Variants in ST7 observed in about 807,000 individuals in gnomAD.
ST7 encodes the protein suppressor of tumorigenicity 7 protein.
Under a neutral mutation model 78.7 loss-of-function variants are expected in ST7, and 28 were observed. The observed-to-expected ratio is 0.36, with a 90% CI of 0.26 to 0.49. The LOEUF (loss-of-function observed/expected upper bound fraction) is 0.49, where lower values mean the gene tolerates loss of function less well. Ranked by LOEUF, ST7 falls within the 20% of genes least tolerant of loss-of-function variation. The pLI is 0.99. For synonymous variants in ST7, 247 were observed against 249.6 expected (o/e 0.99, Z 0.10); for missense variants, 418 against 696.0 (o/e 0.60, Z 4.49).
chr7:117,141,734 G>A (rs1173212858), intron 9 of ST7, among the ~76,000 whole-genome samples: 2 of 151,788 alleles, frequency 1.3e-5, no homozygotes, highest in Admixed American at 6.6e-5. Flanking sequence ...GCAGTGGCAC[G>A]ACTTGGCTCA....
In ST7 at chr7:117,085,345, C is replaced by T. The variant is rs145148433; in HGVS notation, c.152-14417C>T. 4.2e-3 allele frequency among the ~76,000 whole-genome samples: 641 copies of T among 152,250 alleles called. 14 individuals carry two copies. The highest frequency in any genetic ancestry group is 0.031 in the Admixed American group (473 of 15,298). On this transcript the variant is annotated intron_variant, in intron 1 of 15. Coordinates refer to ENST00000323984, the MANE Select transcript of ST7 (RefSeq NM_001369598.1). ...GTATCTGGTTTTGCCTGTGATGAAG[C>T]TGAGAAATGTCTCATTTTAATGGTT... is the stretch of plus-strand genomic sequence containing the variant.
intron 1 of ST7, chr7:117,081,052 T>C (rs1372991071): frequency 6.6e-6 from 1 of 152,190 alleles, no homozygotes; most frequent in Non-Finnish European, 1.5e-5. Context: ...AATTTCTTTC[T>C]TGTTTTTAGC....
At chr7:117,046,987 G>T (rs1797525173) in intron 1 of ST7, among the ~76,000 whole-genome samples, 1 of 152,162 alleles carries the variant, frequency 6.6e-6, no homozygotes, top group Non-Finnish European at 1.5e-5. Context: ...TTGCCAGGAG[G>T]ATTTAATGAC....
intron 1 of ST7, chr7:116,954,987 C>A: frequency 5.5e-6 from 2 of 364,222 alleles, no homozygotes; most frequent in Non-Finnish European, 5.6e-6. Context: ...CCCTCGGGAT[C>A]GTGTCCCTGG....
At chr7:117,206,882 T>C (rs1791809620) in intron 12 of ST7, among the ~76,000 whole-genome samples, 1 of 152,198 alleles carries the variant, frequency 6.6e-6, no homozygotes, top group Admixed American at 6.5e-5. Context: ...TCCGTGATCA[T>C]GGAAATATTC....
intron 6 of ST7, 24 bp downstream of exon 6, chr7:117,131,984 T>C: frequency 6.2e-7 from 1 of 1,604,088 alleles, no homozygotes. Flanking sequence ...AATCTTGCTG[T>C]TAAAAAGGAA....
chr7:116,955,766 C>T (rs1247986458), intron 1 of ST7, among the ~76,000 whole-genome samples: 4 of 152,192 alleles, frequency 2.6e-5, no homozygotes, highest in Admixed American at 1.3e-4. Flanking sequence ...ATGTGTACTT[C>T]TTAAGGAAGG....
At chr7:117,127,790 TTAAA>T (rs1463576171) in intron 3 of ST7, among the ~76,000 whole-genome samples, 2 of 151,924 alleles carry the variant, frequency 1.3e-5, no homozygotes, top group Admixed American at 1.3e-4. Context: ...GTGACACTTC[TTAAA>T]TAAAGAGCAT....
Position 117,133,042 on chromosome 7 carries a change from A to G in ST7, c.641+1082A>G, listed in dbSNP as rs191589069. ...ATCTTAAATTTATAGTAAATCTATT[A>G]CAGTAAATTAAGCTAGCACAATCTG... On this transcript the variant is annotated intron_variant, in intron 6 of 15. Transcript: ENST00000323984. Among the ~76,000 whole-genome samples the G allele has an allele frequency of 2.6e-5, 4 of 152,064 alleles. No homozygotes were observed. In the Admixed American group the frequency reaches 2.6e-4, roughly 10 times the overall value.
At chr7:117,062,449 T>A (rs1396946335) in intron 1 of ST7, among the ~76,000 whole-genome samples, 1 of 152,178 alleles carries the variant, frequency 6.6e-6, no homozygotes, top group African/African-American at 2.4e-5. Flanking sequence ...TGATTAAAGG[T>A]GGTAGCTTAC....
intron 8 of ST7, among the ~76,000 whole-genome samples, chr7:117,138,075 T>C (rs925173929): frequency 6.6e-6 from 1 of 152,134 alleles, no homozygotes; most frequent in Non-Finnish European, 1.5e-5. Flanking sequence ...AAAAAAATAG[T>C]TCATCAGGAT....
intron 10 of ST7, among the ~76,000 whole-genome samples, chr7:117,176,720 A>C (rs756729334): frequency 3.3e-5 from 5 of 152,212 alleles, no homozygotes; most frequent in Admixed American, 2.0e-4. Context: ...TGGAGGTCCA[A>C]TGAGTAAAAT....
At chr7:117,196,364 G>A (rs569601783) in intron 12 of ST7, among the ~76,000 whole-genome samples, 4 of 132,946 alleles carry the variant, frequency 3.0e-5, no homozygotes, top group East Asian at 5.4e-4. Flanking sequence ...TTCCTTAGTG[G>A]CTGCACCATT....
chr7:116,957,218 A>C (rs1039672387), intron 1 of ST7: 3 of 153,438 alleles, frequency 2.0e-5, no homozygotes, highest in East Asian at 3.8e-4. Context: ...ATATAGTTCA[A>C]AGAATTCCAC....
chr7:117,004,367 A>C (rs1795070897), intron 1 of ST7, among the ~76,000 whole-genome samples: 1 of 152,220 alleles, frequency 6.6e-6, no homozygotes, highest in South Asian at 2.1e-4. Context: ...GAAAGCATGA[A>C]ATGTTCAACT....
intron 1 of ST7, among the ~76,000 whole-genome samples, chr7:117,003,133 T>G (rs1795015813): frequency 6.6e-6 from 1 of 151,478 alleles, no homozygotes; most frequent in African/African-American, 2.4e-5. Context: ...CTGAATTAGT[T>G]TTTTAGAATG....
intron 1 of ST7, among the ~76,000 whole-genome samples, chr7:116,977,565 T>A (rs76412331): frequency 8.5e-5 from 13 of 152,346 alleles, no homozygotes; most frequent in Admixed American, 4.6e-4. Context: ...TATATTTTTT[T>A]ATTTTGAGAC....
chr7:117,214,920 G>A (rs1357559935), intron 13 of ST7, among the ~76,000 whole-genome samples: 1 of 115,018 alleles, frequency 8.7e-6, no homozygotes, highest in Non-Finnish European at 1.5e-5. Flanking sequence ...TTGTGTGTGT[G>A]TGTGTGTGTG....
intron 1 of ST7, chr7:116,972,504 A>G (rs1793476918): frequency 2.0e-6 from 2 of 998,564 alleles, no homozygotes; most frequent in South Asian, 2.7e-5. Flanking sequence ...AGTCTCTTTC[A>G]ATGATCACCA....
Sources: gnomAD v4.1 joint callset for allele counts (sites outside exome capture counted in the v4.1 genomes callset) on GRCh38, gnomAD v4.1.1 for gene constraint, MANE v1.5 for transcripts, NCBI Gene and HGNC (gene_info 2026-07-23, HGNC 2026-07-21) for gene names.